PABPC4L: variants seen among roughly 807,000 people sequenced by gnomAD.
PABPC4L encodes poly(A) binding protein cytoplasmic 4 like.
For synonymous variants in PABPC4L, 169 were observed against 164.1 expected (o/e 1.03, Z -0.23); for missense variants, 452 against 451.4 (o/e 1.00, Z -0.01).
At chr4:134,074,793 T>C in the PABPC4L span, among the ~76,000 whole-genome samples, 4 of 152,034 alleles carry the variant, frequency 2.6e-5, no homozygotes, top group Non-Finnish European at 5.9e-5. Flanking sequence ...AGTGGAAAAG[T>C]CCCTCATAAA....
At chr4:134,156,039 T>C in the PABPC4L span, among the ~76,000 whole-genome samples, 23 of 151,970 alleles carry the variant, frequency 1.5e-4, no homozygotes, top group Non-Finnish European at 2.7e-4. Context: ...TGTGCTGTAA[T>C]TGGAACTTAA....
At chr4:134,153,942 T>G in the PABPC4L span, among the ~76,000 whole-genome samples, 1 of 150,600 alleles carries the variant, frequency 6.6e-6, no homozygotes, top group Admixed American at 6.7e-5. Flanking sequence ...CACAATAAAT[T>G]AGGAGAGGAT....
the PABPC4L span, among the ~76,000 whole-genome samples, chr4:133,959,180 G>A: frequency 6.6e-6 from 1 of 152,216 alleles, no homozygotes; most frequent in South Asian, 2.1e-4. Flanking sequence ...ATCACTGTAT[G>A]CCAGAAAATA....
chr4:134,158,004 G>T, the PABPC4L span, among the ~76,000 whole-genome samples: 1 of 151,678 alleles, frequency 6.6e-6, no homozygotes, highest in South Asian at 2.1e-4. Context: ...TGCAATTCTA[G>T]AATAATGGCT....
the PABPC4L span, among the ~76,000 whole-genome samples, chr4:134,045,067 G>T: frequency 5.2e-4 from 79 of 151,958 alleles, no homozygotes; most frequent in African/African-American, 1.9e-3. Context: ...TTCTTTGATC[G>T]CAAGAGGAAA....
chr4:134,090,762 C>CAA, the PABPC4L span, among the ~76,000 whole-genome samples: 23 of 141,880 alleles, frequency 1.6e-4, no homozygotes, highest in Admixed American at 2.8e-4. Flanking sequence ...TATCCTGTCT[C>CAA]AAAAAAAAAA....
the PABPC4L span, among the ~76,000 whole-genome samples, chr4:134,139,270 A>G: frequency 6.6e-6 from 1 of 151,960 alleles, no homozygotes; most frequent in Non-Finnish European, 1.5e-5. Context: ...TTGGTTCATG[A>G]TAATAGAATT....
the PABPC4L span, among the ~76,000 whole-genome samples, chr4:133,991,646 G>GAGACTATAGTCTTTATAGCCTTTAT: frequency 2.6e-5 from 4 of 152,182 alleles, no homozygotes; most frequent in Non-Finnish European, 5.9e-5. Context: ...GACTATGGCT[G>GAGACTATAGTCTTTATAGCCTTTAT]AGACTATAAA....
chr4:134,190,276 A>G, the PABPC4L span, among the ~76,000 whole-genome samples: 16 of 152,224 alleles, frequency 1.1e-4, no homozygotes, highest in African/African-American at 3.9e-4. Context: ...GACATATCTA[A>G]GAGTTGTTGA....
At chr4:134,086,017 A>G in the PABPC4L span, among the ~76,000 whole-genome samples, 355 of 152,224 alleles carry the variant, frequency 2.3e-3, 2 homozygotes, top group Non-Finnish European at 3.4e-4. Flanking sequence ...AATAATTGTA[A>G]TCACTTCTAA....
the PABPC4L span, among the ~76,000 whole-genome samples, chr4:134,149,461 C>T: frequency 1.3e-5 from 2 of 152,122 alleles, no homozygotes; most frequent in Non-Finnish European, 2.9e-5. Context: ...ATTATGCTAT[C>T]GGTTTACTAA....
the PABPC4L span, among the ~76,000 whole-genome samples, chr4:133,972,716 T>C: frequency 2.6e-5 from 4 of 152,280 alleles, no homozygotes; most frequent in East Asian, 7.7e-4. Context: ...AGAGTGAACA[T>C]ATTATGTAAG....
downstream of PABPC4L, among the ~76,000 whole-genome samples, chr4:134,192,208 T>A (rs574461724): frequency 1.3e-5 from 2 of 152,110 alleles, no homozygotes; most frequent in Non-Finnish European, 2.9e-5. Flanking sequence ...TAAGTGCTGA[T>A]ACATGCTCCA....
At chr4:134,004,083 A>C in the PABPC4L span, among the ~76,000 whole-genome samples, 1 of 151,910 alleles carries the variant, frequency 6.6e-6, no homozygotes, top group Non-Finnish European at 1.5e-5. Context: ...TGGTTTACGC[A>C]ATGATTTTTT....
chr4:134,162,815 A>G, the PABPC4L span, among the ~76,000 whole-genome samples: 1 of 152,124 alleles, frequency 6.6e-6, no homozygotes, highest in Non-Finnish European at 1.5e-5. Context: ...TTCAAAATGA[A>G]TATTAACTGT....
At position 134,200,200 on chromosome 4, in the gene PABPC4L, C is replaced by A; in HGVS notation, c.820G>T (p.Glu274Ter). ...AGCTGCTCAAACATTTGCTTTAACTCAGCCTGTCGCTCGACTTTCTTTTGA... is the reference window on the plus strand; with the variant it reads ...AGCTGCTCAAACATTTGCTTTAACTAAGCCTGTCGCTCGACTTTCTTTTGA... ...RAQKKVERQA[E>*]LKQMFEQLKR... The change falls in exon 2 of 2, where the codon GAG becomes TAG. Residue 274 changes from glutamate to a stop codon, truncating the protein, a stop_gained. Transcript: ENST00000421491. LOFTEE classifies it low-confidence loss of function (END_TRUNC). 2 of 1,551,642 alleles carry A rather than the reference C, an allele frequency of 1.3e-6. No individual in the cohort carries two copies. Among genetic ancestry groups the A allele is most frequent in the Non-Finnish European group, 1.7e-6 (2 of 1,146,976 alleles).
chr4:134,128,912 T>C, the PABPC4L span, among the ~76,000 whole-genome samples: 1 of 152,022 alleles, frequency 6.6e-6, no homozygotes, highest in Non-Finnish European at 1.5e-5. Context: ...AAACCAAGCA[T>C]CTACTGTCTT....
chr4:134,121,423 A>T, the PABPC4L span, among the ~76,000 whole-genome samples: 1 of 151,668 alleles, frequency 6.6e-6, no homozygotes, highest in African/African-American at 2.4e-5. Context: ...AAGAGATACA[A>T]TTTTTAATAG....
downstream of PABPC4L, among the ~76,000 whole-genome samples, chr4:134,192,282 A>T (rs927477403): frequency 3.3e-5 from 5 of 152,090 alleles, no homozygotes; most frequent in African/African-American, 1.2e-4. Flanking sequence ...TATATTATAT[A>T]ATACTACTTA....
Sources: allele counts gnomAD v4.1 joint callset (sites outside exome capture counted in the v4.1 genomes callset), GRCh38; gene constraint gnomAD v4.1.1; transcripts MANE v1.5; gene names NCBI Gene and HGNC (gene_info 2026-07-23, HGNC 2026-07-21).